Variants in ATP6V0D1 observed in about 807,000 individuals in gnomAD.
ATP6V0D1 encodes the protein V-type proton ATPase subunit d 1.
In ATP6V0D1, 13 loss-of-function variants were observed where a neutral mutation model predicts 39.0. That is an observed-to-expected ratio of 0.33 (90% confidence interval 0.22 to 0.53). ATP6V0D1 has a LOEUF of 0.53. ATP6V0D1 is among the 20% of genes least tolerant of loss of function. ATP6V0D1 has a pLI of 0.94. For missense variants in ATP6V0D1, 272 were observed against 470.9 expected, an observed-to-expected ratio of 0.58 and a Z score of 3.91; for synonymous variants, 191 against 191.2, an observed-to-expected ratio of 1.00 and a Z score of 0.01.
chr16:67,477,321 A>T (rs1279626559), intron 1 of ATP6V0D1, among the ~76,000 whole-genome samples: 1 of 152,194 alleles, frequency 6.6e-6, no homozygotes, highest in African/African-American at 2.4e-5. Flanking sequence ...AAACAAATAA[A>T]TCATATTTTA....
chr16:67,448,425 C>T (rs973321316), intron 2 of ATP6V0D1, among the ~76,000 whole-genome samples: 1 of 151,880 alleles, frequency 6.6e-6, no homozygotes, highest in Non-Finnish European at 1.5e-5. Context: ...TTTGGGAGGC[C>T]GAGGAGGGCG....
rs373623763 is a variant in ATP6V0D1 at position 67,444,751 on chromosome 16, C to T, written c.303-45G>A. On this transcript the variant is annotated intron_variant, in intron 2 of 7. Coordinates refer to ENST00000290949, the MANE Select transcript of ATP6V0D1 (RefSeq NM_004691.5). This position sits in a 1 kb window ranked among gnomAD's most constrained non-coding sequence, Gnocchi z 4.8. ...GCAAGGAGCCCATCAAGGTGGGGGC[C>T]GGGAAGTCCTGGCATAGCACCATGC... is the stretch of plus-strand genomic sequence containing the variant. The T allele has an allele frequency of 7.0e-5, 107 of 1,520,448 alleles. No homozygotes were observed. Among genetic ancestry groups the T allele is most frequent in the Middle Eastern group, 4.7e-4 (2 of 4,300 alleles). The allele number at this position is 1,520,448 out of a possible 1,614,324, so 94.2% of individuals were successfully genotyped here.
rs1231006185 is a variant in ATP6V0D1 at position 67,456,041 on chromosome 16, G to A, written c.131-2326C>T. 1 of 150,790 alleles carries A rather than the reference G, an allele frequency of 6.6e-6. No individual in the cohort carries two copies. Among genetic ancestry groups the A allele is most frequent in the East Asian group, 1.9e-4 (1 of 5,144 alleles). The allele number at this position is 150,790 out of a possible 1,614,324, so 9.3% of individuals were successfully genotyped here. ...AGATGGAATCTTGCTCTGTTGCCCA[G>A]GCTGGAGTGCAGTGGCACAATCTCG... On this transcript the variant is annotated intron_variant, in intron 1 of 7. Transcript: ENST00000290949. This position sits in a 1 kb window ranked among gnomAD's most constrained non-coding sequence, Gnocchi z 4.1.
At position 67,438,450 on chromosome 16, in the gene ATP6V0D1, TACAC is replaced by T. The variant is rs1005125727; in HGVS notation, c.*74_*77del. On this transcript the variant is annotated 3_prime_UTR_variant, in exon 8 of 8. Transcript: ENST00000290949. ...AGCCACAGGCTTGTCACAGACCACA[TACAC>T]ACACACGCACACACACGCGCACACA... The T allele has an allele frequency of 3.0e-5, 46 of 1,514,854 alleles. 1 individual carries two copies. The Middle Eastern group carries it at 7.3e-4, about 24-fold the overall frequency. 93.8% of individuals were successfully genotyped at this position (1,514,854 alleles called of 1,614,324 possible). A position where few individuals can be genotyped will look rare whatever the true frequency, so the allele number is the denominator to read the frequency against.
intron 1 of ATP6V0D1, among the ~76,000 whole-genome samples, chr16:67,478,628 A>AAAAG (rs903629571): frequency 6.0e-5 from 9 of 150,732 alleles, no homozygotes; most frequent in East Asian, 1.9e-4. Context: ...AAAAAAAAAA[A>AAAAG]AAAGAAAGAA....
At chr16:67,460,445 C>CA (rs937983613) in intron 1 of ATP6V0D1, among the ~76,000 whole-genome samples, 2 of 152,198 alleles carry the variant, frequency 1.3e-5, no homozygotes, top group African/African-American at 4.8e-5. Flanking sequence ...GCTGGATCTG[C>CA]AGGGTCAGAG....
chr16:67,459,344 C>T, intron 1 of ATP6V0D1: 1 of 856,550 alleles, frequency 1.2e-6, no homozygotes, highest in Non-Finnish European at 1.4e-6. Context: ...CCTGAGGTTG[C>T]CTGTGTCAAG....
rs1212349333 is a variant in ATP6V0D1, at chr16:67,479,242, G to A, written c.130+1715C>T. Among the ~76,000 whole-genome samples, 6 of 145,138 alleles carry A rather than the reference G, an allele frequency of 4.1e-5. No homozygotes were observed. The East Asian group carries it at 1.0e-3, about 24-fold the overall frequency. ...TTTTTTTTTTTTGAGACGGGGTCTCGCTCTGTTGTTGCCCAGGCTGGAGTG... is the reference window on the plus strand; with the variant it reads ...TTTTTTTTTTTTGAGACGGGGTCTCACTCTGTTGTTGCCCAGGCTGGAGTG... On this transcript the variant is annotated intron_variant, in intron 1 of 7. Transcript: ENST00000290949.
intron 1 of ATP6V0D1, among the ~76,000 whole-genome samples, chr16:67,475,083 G>T (rs2041404006): frequency 6.6e-6 from 1 of 152,178 alleles, no homozygotes; most frequent in South Asian, 2.1e-4. Context: ...CTCCAGGGTG[G>T]CCTCCACCTT....
intron 1 of ATP6V0D1, among the ~76,000 whole-genome samples, chr16:67,459,896 C>T (rs941218051): frequency 4.6e-5 from 7 of 152,232 alleles, no homozygotes; most frequent in African/African-American, 1.4e-4. Context: ...GGGGCAGACC[C>T]GCTTGAGGCT....
chr16:67,453,774 A>C lies in ATP6V0D1; in HGVS notation c.131-59T>G, dbSNP rs1160294431. The C allele has an allele frequency of 4.5e-6, 7 of 1,559,810 alleles. No individual in the cohort carries two copies. Among genetic ancestry groups the C allele is most frequent in the Non-Finnish European group, 6.1e-6 (7 of 1,142,986 alleles). On this transcript the variant is annotated intron_variant, in intron 1 of 7. Transcript: ENST00000290949. The surrounding 1 kb of genome is among the most constrained non-coding windows in gnomAD (Gnocchi z 4.1). ...TTGCTGGGCCTCCCCAAGGGTCCCA[A>C]GTCCCCATCCCCACCCCAACTCAGC... is the stretch of plus-strand genomic sequence containing the variant.
At chr16:67,442,952 A>T in intron 4 of ATP6V0D1, 147 bp downstream of exon 4, 1 of 810,738 alleles carries the variant, frequency 1.2e-6, no homozygotes, top group Non-Finnish European at 2.0e-6. Context: ...CCAGCATGGG[A>T]GCCAGAGAAT....
chr16:67,439,450 T>A, intron 4 of ATP6V0D1, 99 bp from the exon 5 acceptor site: 1 of 1,172,752 alleles, frequency 8.5e-7, no homozygotes. Flanking sequence ...CCCTAGCCCC[T>A]TTCAAGGTGG....
intron 4 of ATP6V0D1, among the ~76,000 whole-genome samples, chr16:67,442,602 G>A (rs1482859556): frequency 1.3e-5 from 2 of 152,172 alleles, no homozygotes; most frequent in African/African-American, 4.8e-5. Flanking sequence ...GAGGTGGGCA[G>A]GGGATGAGGA....
At chr16:67,457,463 T>A in intron 1 of ATP6V0D1, 1 of 758,880 alleles carries the variant, frequency 1.3e-6, no homozygotes, top group South Asian at 1.6e-5. Context: ...CCAGACAGAT[T>A]TCAGTCCCAG....
At chr16:67,465,636 T>C (rs2041323050) in intron 1 of ATP6V0D1, among the ~76,000 whole-genome samples, 1 of 152,112 alleles carries the variant, frequency 6.6e-6, no homozygotes, top group Non-Finnish European at 1.5e-5. Flanking sequence ...TGAGGGTAAA[T>C]GAGGACGGTG....
In ATP6V0D1 at chr16:67,466,326, T is replaced by TACACAC. The variant is rs536624557; in HGVS notation, c.131-12617_131-12612dup. ...AGAAACCCTGTATCTAGTAAACACA[T>TACACAC]ACACACACACACACACACACACACA... On this transcript the variant is annotated intron_variant, in intron 1 of 7. Transcript: ENST00000290949. Among the ~76,000 whole-genome samples, 450 of 120,576 alleles carry TACACAC rather than the reference T, an allele frequency of 3.7e-3. 10 individuals carry two copies. Among genetic ancestry groups the TACACAC allele is most frequent in the South Asian group, 8.2e-3 (29 of 3,522 alleles). 79.1% of individuals were successfully genotyped at this position (120,576 alleles called of 152,430 possible). A position where few individuals can be genotyped will look rare whatever the true frequency, so the allele number is the denominator to read the frequency against.
At chr16:67,455,336 C>T (rs2041227338) in intron 1 of ATP6V0D1, 1 of 152,250 alleles carries the variant, frequency 6.6e-6, no homozygotes, top group African/African-American at 2.4e-5. Context: ...TGCTGTACTC[C>T]ATCAGGAGAA....
chr16:67,443,114 G>T lies in ATP6V0D1; in HGVS notation c.546C>A (p.Arg182=), dbSNP rs766448776. ...DLDEMNIEII[R]NTLYKAYLES... ...GGGGCATTACCTTGTAGAGGGTGTT[G>T]CGGATGATCTCGATGTTCATCTCGT... The change falls in exon 4 of 8, where the codon CGC becomes CGA. Residue 182 remains arginine (R), a synonymous_variant. Transcript: ENST00000290949. 10 of 1,613,682 alleles carry T rather than the reference G, an allele frequency of 6.2e-6. No homozygotes were observed. Among genetic ancestry groups the T allele is most frequent in the Middle Eastern group, 1.7e-4 (1 of 5,818 alleles).
Sources: allele counts gnomAD v4.1 joint callset (sites outside exome capture counted in the v4.1 genomes callset), GRCh38; gene constraint gnomAD v4.1.1; non-coding constraint Gnocchi (gnomAD v3.1); transcripts MANE v1.5; gene names NCBI Gene and HGNC (gene_info 2026-07-23, HGNC 2026-07-21).